The following DCUN1D4 variants were observed in gnomAD, a reference collection of about 807,000 sequenced individuals.
The protein encoded by DCUN1D4 is defective in cullin neddylation 1 domain containing 4, also known as DCN1-like protein 4.
A neutral mutation model predicts 47.9 loss-of-function variants in DCUN1D4; 22 were observed. The observed-to-expected ratio is 0.46, with a 90% CI of 0.33 to 0.66. The LOEUF (loss-of-function observed/expected upper bound fraction) is 0.66. DCUN1D4 is among the 30% of genes least tolerant of loss of function. DCUN1D4 has a pLI of 0.02. For missense variants in DCUN1D4, 301 were observed against 340.8 expected (o/e 0.88, Z 0.92); for synonymous variants, 121 against 112.2 (o/e 1.08, Z -0.50).
chr4:51,845,602 A>G (rs1722416546), intron 1 of DCUN1D4, among the ~76,000 whole-genome samples: 1 of 152,228 alleles, frequency 6.6e-6, no homozygotes, highest in Non-Finnish European at 1.5e-5. Context: ...TTTACAGGGA[A>G]GGGACTCCAG....
At chr4:51,883,844 G>A (rs928096065) in intron 5 of DCUN1D4, among the ~76,000 whole-genome samples, 1 of 151,816 alleles carries the variant, frequency 6.6e-6, no homozygotes, top group Non-Finnish European at 1.5e-5. Flanking sequence ...GGAGTTAGAG[G>A]GGACAACTTC....
chr4:51,847,773 C>G (rs1464924623), intron 1 of DCUN1D4, among the ~76,000 whole-genome samples: 4 of 152,062 alleles, frequency 2.6e-5, no homozygotes, highest in Non-Finnish European at 5.9e-5. Flanking sequence ...CTCAGTGCTG[C>G]TGTTTTAGAA....
At chr4:51,834,186 C>G in the DCUN1D4 span, among the ~76,000 whole-genome samples, 2 of 141,934 alleles carry the variant, frequency 1.4e-5, no homozygotes, top group Admixed American at 7.1e-5. Flanking sequence ...CTCCCCTAAC[C>G]GAGAACAGCA....
chr4:51,878,401 A>T (rs1169233912), intron 5 of DCUN1D4, among the ~76,000 whole-genome samples: 1 of 152,218 alleles, frequency 6.6e-6, no homozygotes, highest in Admixed American at 6.5e-5. Context: ...AGAAAAAGAA[A>T]AAATTTTCAA....
rs181882003 is a variant in DCUN1D4 at position 51,847,341 on chromosome 4, C to T, written c.25+4074C>T. Among the ~76,000 whole-genome samples the T allele has an allele frequency of 1.9e-3, 294 of 152,206 alleles. 1 individual carries two copies. The highest frequency in any genetic ancestry group is 6.8e-3 in the African/African-American group (281 of 41,532). ...CTTGTAAGGTACACAGAAACACTTG[C>T]CATATGTTAGAAATATTTGGCACTG... On this transcript the variant is annotated intron_variant, in intron 1 of 10. Transcript: ENST00000334635.
chr4:51,863,656 CAT>C lies in DCUN1D4; in HGVS notation c.97-11_97-10del. The C allele has an allele frequency of 6.2e-7, 1 of 1,612,894 alleles. No homozygotes were observed. Among genetic ancestry groups the C allele is most frequent in the East Asian group, 2.2e-5 (1 of 44,790 alleles). ...TATGTGATTTCTTCGTAATAACGAACATATTTCTTTCAGAACCTAACAGAAGA... is the reference window on the plus strand; with the variant it reads ...TATGTGATTTCTTCGTAATAACGAACATTTCTTTCAGAACCTAACAGAAGA... On this transcript the variant is annotated splice_polypyrimidine_tract_variant and intron_variant, in intron 2 of 10. Transcript: ENST00000334635.
At chr4:51,851,286 G>A (rs550999550) in intron 1 of DCUN1D4, among the ~76,000 whole-genome samples, 1 of 152,322 alleles carries the variant, frequency 6.6e-6, no homozygotes, top group Admixed American at 6.5e-5. Context: ...TGCATGGGAC[G>A]ATGATGCCTG....
Position 51,891,729 on chromosome 4 carries a change from T to A in DCUN1D4, c.415-31T>A, listed in dbSNP as rs112124814. The A allele has an allele frequency of 7.8e-4, 1,186 of 1,511,568 alleles. 8 individuals are homozygous for A. The African/African-American group carries it at 0.011, about 14-fold the overall frequency. The allele number at this position is 1,511,568 out of a possible 1,614,324, so 93.6% of individuals were successfully genotyped here. A position where few individuals can be genotyped will look rare whatever the true frequency, so the allele number is the denominator to read the frequency against. On this transcript the variant is annotated intron_variant, in intron 6 of 10. Coordinates refer to ENST00000334635, the MANE Select transcript of DCUN1D4 (RefSeq NM_001040402.3). The stretch of plus-strand genomic sequence containing the variant: ...TTTCTTTTTAATTTGTGTAATATAT[T>A]TTTTTTTAATTGTGTATTTTTTTTT...
intron 8 of DCUN1D4, among the ~76,000 whole-genome samples, chr4:51,909,975 G>A (rs1733478806): frequency 6.6e-6 from 1 of 152,194 alleles, no homozygotes; most frequent in African/African-American, 2.4e-5. Flanking sequence ...TCACTGTTAA[G>A]CGTCCTTGCA....
chr4:51,881,408 G>A (rs6818147), intron 5 of DCUN1D4, among the ~76,000 whole-genome samples: 62,338 of 151,920 alleles, frequency 0.41, 15,317 homozygotes, highest in African/African-American at 0.69. Flanking sequence ...GTCTGATAGC[G>A]AAGGAAGAGA....
At chr4:51,870,780 A>G (rs1726767234) in intron 3 of DCUN1D4, among the ~76,000 whole-genome samples, 2 of 152,168 alleles carry the variant, frequency 1.3e-5, no homozygotes, top group Admixed American at 1.3e-4. Context: ...GGGTAAACAG[A>G]CTTGAATTGG....
At chr4:51,899,523 G>A (rs2110096356) in intron 8 of DCUN1D4, 145 bp downstream of exon 8, 1 of 1,452,462 alleles carries the variant, frequency 6.9e-7, no homozygotes, top group Non-Finnish European at 9.1e-7. Context: ...CTTTCTACAT[G>A]TATGCTTTTG....
rs1734077773 is a variant in DCUN1D4, at chr4:51,913,978, G to A, written c.*394G>A. On this transcript the variant is annotated 3_prime_UTR_variant, in exon 11 of 11. Coordinates refer to ENST00000334635, the MANE Select transcript of DCUN1D4 (RefSeq NM_001040402.3). ...GAATGAACCAATTATACTTTATTTG[G>A]TCTCCTATGTAGCATTTCAGAAAAC... The A allele has an allele frequency of 6.1e-6, 1 of 164,856 alleles. No homozygotes were observed. Among genetic ancestry groups the A allele is most frequent in the African/African-American group, 2.4e-5 (1 of 41,724 alleles). The allele number at this position is 164,856 out of a possible 1,614,324, so 10.2% of individuals were successfully genotyped here.
At chr4:51,893,382 A>G (rs1227079427) in intron 7 of DCUN1D4, among the ~76,000 whole-genome samples, 1 of 151,440 alleles carries the variant, frequency 6.6e-6, no homozygotes, top group Non-Finnish European at 1.5e-5. Context: ...TTTTTTCATT[A>G]TTTTTCTCAC....
chr4:51,909,106 A>G (rs1578057776), intron 8 of DCUN1D4: 2 of 433,794 alleles, frequency 4.6e-6, no homozygotes, highest in Non-Finnish European at 9.4e-6. Context: ...ATATTGTTGC[A>G]AAGAGTCTGT....
intron 7 of DCUN1D4, among the ~76,000 whole-genome samples, chr4:51,895,111 A>G (rs112974210): frequency 0.022 from 3,362 of 152,030 alleles, 65 homozygotes; most frequent in Non-Finnish European, 0.032. Context: ...ACTTTTTGAT[A>G]CCATCATCTT....
intron 3 of DCUN1D4, among the ~76,000 whole-genome samples, chr4:51,867,909 G>A (rs1055820085): frequency 3.9e-5 from 6 of 152,218 alleles, no homozygotes; most frequent in East Asian, 3.9e-4. Flanking sequence ...CAGGTTGTTC[G>A]TGCCAAGGGG....
At chr4:51,906,950 A>G (rs1317156768) in intron 8 of DCUN1D4, among the ~76,000 whole-genome samples, 3 of 152,192 alleles carry the variant, frequency 2.0e-5, no homozygotes, top group African/African-American at 7.2e-5. Flanking sequence ...TTATTTATAA[A>G]TTGGGGATTA....
At chr4:51,841,718 G>A (rs1171355205), upstream of DCUN1D4, among the ~76,000 whole-genome samples, 1 of 152,140 alleles carries the variant, frequency 6.6e-6, no homozygotes, top group Non-Finnish European at 1.5e-5. Flanking sequence ...GTGGGACACA[G>A]AAACTGGTTT....
Sources: gnomAD v4.1 joint callset for allele counts (sites outside exome capture counted in the v4.1 genomes callset) on GRCh38, gnomAD v4.1.1 for gene constraint, MANE v1.5 for transcripts, NCBI Gene and HGNC (gene_info 2026-07-23, HGNC 2026-07-21) for gene names.